RBBP8: variants seen among roughly 807,000 people sequenced by gnomAD.
The protein encoded by RBBP8 is DNA endonuclease RBBP8.
Under a neutral mutation model 108.3 loss-of-function variants are expected in RBBP8, and 88 were observed. The observed-to-expected ratio is 0.81, with a 90% CI of 0.68 to 0.97. The LOEUF (loss-of-function observed/expected upper bound fraction) is 0.97, where lower values mean the gene tolerates loss of function less well. Ranked by LOEUF, RBBP8 falls within the 50% of genes least tolerant of loss-of-function variation. The pLI, the probability that RBBP8 is intolerant of heterozygous loss-of-function variation, is 0.00. For synonymous variants in RBBP8, 332 were observed against 348.2 expected (o/e 0.95, Z 0.52); for missense variants, 1,023 against 1,049.0 (o/e 0.98, Z 0.34).
intron 15 of RBBP8, chr18:23,004,873 AAT>A (rs2046012812): frequency 6.6e-6 from 1 of 152,284 alleles, no homozygotes; most frequent in East Asian, 1.9e-4. Flanking sequence ...AAGAAAAATA[AAT>A]AAGGGAGCCG....
intron 1 of RBBP8, chr18:22,933,921 A>C (rs1186779663): frequency 1.3e-5 from 2 of 152,412 alleles, no homozygotes; most frequent in East Asian, 3.8e-4. Flanking sequence ...TGGATGGAGA[A>C]GGGACCTGGC....
upstream of RBBP8, among the ~76,000 whole-genome samples, chr18:22,928,566 G>A (rs1416128208): frequency 2.0e-5 from 3 of 152,202 alleles, no homozygotes; most frequent in Non-Finnish European, 2.9e-5. Flanking sequence ...GCAGTTTCCT[G>A]TTGAAAGAGG....
At chr18:22,982,612 A>G (rs1437080033) in intron 7 of RBBP8, among the ~76,000 whole-genome samples, 1 of 152,226 alleles carries the variant, frequency 6.6e-6, no homozygotes, top group African/African-American at 2.4e-5. Flanking sequence ...TAAATATACC[A>G]TATTTTATAA....
chr18:22,922,014 G>C (rs1304592153), intron 3 of RBBP8, among the ~76,000 whole-genome samples: 1 of 152,142 alleles, frequency 6.6e-6, no homozygotes, highest in African/African-American at 2.4e-5. Context: ...GTCTTGGACT[G>C]TGTCCAAGAG....
intron 17 of RBBP8, among the ~76,000 whole-genome samples, chr18:23,018,155 G>C (rs2046293374): frequency 6.6e-6 from 1 of 151,384 alleles, no homozygotes; most frequent in Non-Finnish European, 1.5e-5. Flanking sequence ...GGGTTCAGAC[G>C]ATTCTCCTGC....
In RBBP8 at chr18:22,946,270, CA is replaced by C. The variant is rs148996166; in HGVS notation, c.110-172del. ...TGACTGTCATATGATAGACTAAAAG[CA>C]ATACATTGCAGATATGCTTTTGTGA... is the stretch of plus-strand genomic sequence containing the variant. On this transcript the variant is annotated intron_variant, in intron 2 of 18. Transcript: ENST00000327155. 0.024 allele frequency: 17,144 copies of C among 722,814 alleles called. 371 individuals are homozygous for C. Among genetic ancestry groups the C allele is most frequent in the East Asian group, 0.059 (2,071 of 34,848 alleles). The allele number at this position is 722,814 out of a possible 1,614,324, so 44.8% of individuals were successfully genotyped here.
At chr18:22,930,468 A>G (rs1909982530), upstream of RBBP8, among the ~76,000 whole-genome samples, 4 of 152,256 alleles carry the variant, frequency 2.6e-5, no homozygotes, top group African/African-American at 9.6e-5. Flanking sequence ...AAGAGTTCAA[A>G]ATAACTGCTT....
chr18:23,009,920 C>T (rs989412879), intron 16 of RBBP8, among the ~76,000 whole-genome samples: 6 of 152,172 alleles, frequency 3.9e-5, no homozygotes, highest in South Asian at 2.1e-4. Flanking sequence ...CGCCACCACG[C>T]GCAGCTAATT....
rs180993300 is a variant in RBBP8, at chr18:23,002,741, A to G, written c.2287+1012A>G. The stretch of plus-strand genomic sequence containing the variant: ...ATGAACATACCTTCTACTGTGGCAC[A>G]ATCTTGATTATGCTCATGTTTCCAT... On this transcript the variant is annotated intron_variant, in intron 15 of 18. Coordinates refer to ENST00000327155, the MANE Select transcript of RBBP8 (RefSeq NM_002894.3). 5.9e-3 allele frequency among the ~76,000 whole-genome samples: 891 copies of G among 152,288 alleles called. 10 individuals are homozygous for G. The highest frequency in any genetic ancestry group is 0.028 in the South Asian group (136 of 4,822).
At chr18:22,977,123 A>G (rs1914550581) in intron 6 of RBBP8, among the ~76,000 whole-genome samples, 1 of 152,100 alleles carries the variant, frequency 6.6e-6, no homozygotes, top group South Asian at 2.1e-4. Context: ...CTTCTGAAAT[A>G]TAAGATAGTT....
At chr18:22,987,084 C>T (rs1915383195) in intron 8 of RBBP8, among the ~76,000 whole-genome samples, 1 of 152,176 alleles carries the variant, frequency 6.6e-6, no homozygotes, top group Non-Finnish European at 1.5e-5. Flanking sequence ...CCACCTTTAG[C>T]TACAGCTTCT....
intron 4 of RBBP8, 136 bp from the exon 5 acceptor site, chr18:22,968,670 G>T (rs543434953): frequency 2.9e-6 from 2 of 692,356 alleles, no homozygotes; most frequent in East Asian, 2.9e-5. Context: ...TATGTTAAAG[G>T]TATAATAACA....
At chr18:22,958,960 C>T (rs1912832421) in intron 4 of RBBP8, among the ~76,000 whole-genome samples, 1 of 152,186 alleles carries the variant, frequency 6.6e-6, no homozygotes, top group African/African-American at 2.4e-5. Context: ...CATTAGATCC[C>T]TGCATTAATT....
chr18:22,928,014 GC>G (rs1190218906), intron 3 of RBBP8, among the ~76,000 whole-genome samples: 1 of 151,968 alleles, frequency 6.6e-6, no homozygotes, highest in Non-Finnish European at 1.5e-5. Context: ...TTTGAGACTA[GC>G]CTGGCCAACA....
At chr18:22,985,108 A>G in intron 8 of RBBP8, 118 bp downstream of exon 8, 2 of 1,364,606 alleles carry the variant, frequency 1.5e-6, no homozygotes. Context: ...AATTTTGTTT[A>G]TATTACTAGT....
At position 23,006,382 on chromosome 18, in the gene RBBP8, C is replaced by A; in HGVS notation, c.2307C>A (p.Asp769Glu). 2 of 1,613,418 alleles carry A rather than the reference C, an allele frequency of 1.2e-6. No individual in the cohort carries two copies. Among genetic ancestry groups the A allele is most frequent in the Non-Finnish European group, 1.7e-6 (2 of 1,179,696 alleles). The change falls in exon 16 of 19, where the codon GAC (aspartate) becomes GAA (glutamate). Residue 769 changes from aspartate (D) to glutamate (E), a missense_variant. Physicochemically the swap from Asp to Glu is conservative, Grantham distance 45 (BLOSUM62 2). Transcript: ENST00000327155. Reference protein sequence around the residue: ...KKLHTHGDKQDKVKQKAFVEP... With the variant: ...KKLHTHGDKQEKVKQKAFVEP... The stretch of plus-strand genomic sequence containing the variant: ...TTATAGCTCATGGTGATAAACAAGA[C>A]AAAGTCAAGCAGAAAGCGTTTGTGG...
chr18:22,915,218 T>C (rs1337784628), intron 1 of RBBP8, among the ~76,000 whole-genome samples: 1 of 152,176 alleles, frequency 6.6e-6, no homozygotes, highest in Non-Finnish European at 1.5e-5. Flanking sequence ...GTCATCTTAG[T>C]AGGACTTTGC....
chr18:22,917,897 C>G (rs1462514495), intron 3 of RBBP8, among the ~76,000 whole-genome samples: 1 of 150,494 alleles, frequency 6.6e-6, no homozygotes, highest in Non-Finnish European at 1.5e-5. Flanking sequence ...ACTCGGGAGA[C>G]TGAGGCAGAA....
intron 1 of RBBP8, among the ~76,000 whole-genome samples, chr18:22,935,448 T>C (rs190502319): frequency 1.2e-4 from 18 of 152,228 alleles, no homozygotes; most frequent in Middle Eastern, 3.4e-3. Context: ...TTTCCTAATA[T>C]CTAAAATCCA....
Sources: allele counts gnomAD v4.1 joint callset (sites outside exome capture counted in the v4.1 genomes callset), GRCh38; gene constraint gnomAD v4.1.1; transcripts MANE v1.5; gene names NCBI Gene and HGNC (gene_info 2026-07-23, HGNC 2026-07-21).